Variants in GNG12 observed in about 807,000 individuals in gnomAD.
GNG12 encodes G protein subunit gamma 12.
For missense variants in GNG12, 69 were observed against 83.8 expected, an observed-to-expected ratio of 0.82 and a Z score of 0.69; for synonymous variants, 28 against 29.7, an observed-to-expected ratio of 0.94 and a Z score of 0.19.
At chr1:67,824,753 C>T (rs1189374446) in intron 1 of GNG12, among the ~76,000 whole-genome samples, 1 of 152,054 alleles carries the variant, frequency 6.6e-6, no homozygotes, top group Non-Finnish European at 1.5e-5. Flanking sequence ...GAGGAGGAGT[C>T]GAAGAAACCT....
chr1:67,784,355 T>C (rs1479234700), intron 1 of GNG12, among the ~76,000 whole-genome samples: 1 of 146,850 alleles, frequency 6.8e-6, no homozygotes, highest in Non-Finnish European at 1.5e-5. Context: ...TTGGGAGATA[T>C]ACCTAATGCT....
intron 2 of GNG12, among the ~76,000 whole-genome samples, chr1:67,771,597 A>G (rs1203451994): frequency 6.6e-6 from 1 of 152,176 alleles, no homozygotes; most frequent in African/African-American, 2.4e-5. Context: ...GCCACTGACG[A>G]GCATGATCTT....
intron 2 of GNG12, among the ~76,000 whole-genome samples, chr1:67,744,745 A>ATG (rs1557603026): frequency 2.0e-5 from 3 of 152,226 alleles, no homozygotes; most frequent in African/African-American, 7.2e-5. Context: ...CATGTTACAG[A>ATG]TGGGAAGAGC....
intron 1 of GNG12, among the ~76,000 whole-genome samples, chr1:67,831,744 G>A (rs769437556): frequency 1.1e-4 from 16 of 152,114 alleles, no homozygotes; most frequent in African/African-American, 1.4e-4. Flanking sequence ...AATAACGTTA[G>A]TTTACTAGAA....
At chr1:67,775,151 A>T (rs749943876) in intron 2 of GNG12, among the ~76,000 whole-genome samples, 4 of 152,206 alleles carry the variant, frequency 2.6e-5, no homozygotes, top group Non-Finnish European at 5.9e-5. Context: ...CATTTTAATC[A>T]TATTTATGAT....
intron 3 of GNG12, among the ~76,000 whole-genome samples, 177 bp from the exon 4 acceptor site, chr1:67,705,753 T>G (rs1490165026): frequency 1.3e-5 from 2 of 152,224 alleles, no homozygotes; most frequent in African/African-American, 4.8e-5. Flanking sequence ...ACCTTTAAAA[T>G]GGTGCAATTT....
chr1:67,767,307 G>T (rs1213219501), intron 2 of GNG12, among the ~76,000 whole-genome samples: 1 of 152,144 alleles, frequency 6.6e-6, no homozygotes, highest in Non-Finnish European at 1.5e-5. Context: ...ACTGACAGGG[G>T]TTCAGCACGA....
chr1:67,739,160 C>T (rs1047466115), intron 2 of GNG12, among the ~76,000 whole-genome samples: 12 of 152,186 alleles, frequency 7.9e-5, no homozygotes, highest in African/African-American at 2.9e-4. Context: ...GGCTGGGCAA[C>T]AGAGTGAGAA....
chr1:67,727,321 T>C (rs983090340), intron 2 of GNG12, among the ~76,000 whole-genome samples: 1 of 152,250 alleles, frequency 6.6e-6, no homozygotes, highest in Non-Finnish European at 1.5e-5. Context: ...AAGCAAATTC[T>C]ATACAAAGTC....
intron 2 of GNG12, among the ~76,000 whole-genome samples, chr1:67,709,917 T>G (rs1442387795): frequency 8.6e-5 from 4 of 46,764 alleles, no homozygotes; most frequent in African/African-American, 3.0e-4. Context: ...TATAGTTATA[T>G]ATATAGTTAT....
In GNG12 at chr1:67,737,909, G is replaced by A. The variant is rs565218997; in HGVS notation, c.-26-30197C>T. On this transcript the variant is annotated intron_variant, in intron 2 of 3. Coordinates refer to ENST00000370982, the MANE Select transcript of GNG12 (RefSeq NM_018841.6). ...ACACTTTGAACCTTTGCATTAAATGGCCTCTAAGATTCTTTTCAGTGTCAA... is the reference window on the plus strand; with the variant it reads ...ACACTTTGAACCTTTGCATTAAATGACCTCTAAGATTCTTTTCAGTGTCAA... Among the ~76,000 whole-genome samples, 10 of 152,114 alleles carry A rather than the reference G, an allele frequency of 6.6e-5. No individual in the cohort carries two copies. The South Asian group carries it at 2.1e-3, about 32-fold the overall frequency.
intron 1 of GNG12, among the ~76,000 whole-genome samples, chr1:67,811,929 T>C (rs1646928594): frequency 1.3e-5 from 2 of 152,164 alleles, no homozygotes; most frequent in South Asian, 4.1e-4. Flanking sequence ...GAACATGCAG[T>C]GCCAAGTATT....
chr1:67,713,429 T>C (rs934468178), intron 2 of GNG12, among the ~76,000 whole-genome samples: 4 of 152,202 alleles, frequency 2.6e-5, no homozygotes, highest in Non-Finnish European at 4.4e-5. Flanking sequence ...AACATGATGG[T>C]CCATTAGGGA....
intron 2 of GNG12, among the ~76,000 whole-genome samples, chr1:67,709,345 G>A (rs1249097100): frequency 6.6e-6 from 1 of 152,170 alleles, no homozygotes; most frequent in East Asian, 1.9e-4. Flanking sequence ...AGTGGTCAAT[G>A]AGCCTCAAGG....
chr1:67,749,289 C>A (rs1370286489), intron 2 of GNG12, among the ~76,000 whole-genome samples: 1 of 151,972 alleles, frequency 6.6e-6, no homozygotes, highest in Non-Finnish European at 1.5e-5. Flanking sequence ...TTTTCACCTG[C>A]AAAATGGAAC....
At chr1:67,748,489 G>C (rs1646519580) in intron 2 of GNG12, among the ~76,000 whole-genome samples, 1 of 152,190 alleles carries the variant, frequency 6.6e-6, no homozygotes, top group Non-Finnish European at 1.5e-5. Context: ...GAAGTAGCAA[G>C]AAGGGCACAA....
At chr1:67,712,539 A>T (rs1646301432) in intron 2 of GNG12, among the ~76,000 whole-genome samples, 3 of 152,126 alleles carry the variant, frequency 2.0e-5, no homozygotes. Flanking sequence ...ATAATAACAA[A>T]AATAATTGCC....
intron 2 of GNG12, among the ~76,000 whole-genome samples, chr1:67,756,264 C>A (rs1484751225): frequency 6.6e-6 from 1 of 151,770 alleles, no homozygotes; most frequent in Non-Finnish European, 1.5e-5. Context: ...CAGGAAGGGA[C>A]CAAAAAAATA....
chr1:67,722,523 TG>T (rs1471013144), intron 2 of GNG12, among the ~76,000 whole-genome samples: 1 of 146,564 alleles, frequency 6.8e-6, no homozygotes, highest in East Asian at 2.0e-4. Context: ...AGAGAAAGGA[TG>T]GTCAGTGAGG....
Sources: gnomAD v4.1 joint callset for allele counts (sites outside exome capture counted in the v4.1 genomes callset) on GRCh38, gnomAD v4.1.1 for gene constraint, MANE v1.5 for transcripts, NCBI Gene and HGNC (gene_info 2026-07-23, HGNC 2026-07-21) for gene names.